The following RALGDS variants were observed in gnomAD, a reference collection of about 807,000 sequenced individuals.
The protein encoded by RALGDS is ral guanine nucleotide dissociation stimulator.
Under a neutral mutation model 99.8 loss-of-function variants are expected in RALGDS, and 44 were observed. That is an observed-to-expected ratio of 0.44 (90% confidence interval 0.35 to 0.57). RALGDS has a LOEUF of 0.57. Ranked by LOEUF, RALGDS falls within the 20% of genes least tolerant of loss-of-function variation. The pLI is 0.01. For missense variants in RALGDS, 1,022 were observed against 1,203.1 expected (o/e 0.85, Z 2.23); for synonymous variants, 529 against 505.0 (o/e 1.05, Z -0.64).
intron 1 of RALGDS, among the ~76,000 whole-genome samples, chr9:133,129,975 C>T (rs551866903): frequency 5.9e-5 from 9 of 151,756 alleles, no homozygotes; most frequent in East Asian, 1.9e-4. Context: ...CCACCATGCT[C>T]GGCTAATTTT....
chr9:133,143,771 T>TAACAAC (rs759265482), intron 1 of RALGDS, among the ~76,000 whole-genome samples: 406 of 111,532 alleles, frequency 3.6e-3, no homozygotes, highest in African/African-American at 3.6e-3. Context: ...ATAATAATAA[T>TAACAAC]AACAACAACA....
chr9:133,100,901 A>AG lies in RALGDS; in HGVS notation c.2455-520dup, dbSNP rs111705600. 1.2e-3 allele frequency: 1,300 copies of AG among 1,044,664 alleles called. 10 individuals are homozygous for AG. In the African/African-American group the frequency reaches 0.02, roughly 16 times the overall value. 64.7% of individuals were successfully genotyped at this position (1,044,664 alleles called of 1,614,324 possible). A position where few individuals can be genotyped will look rare whatever the true frequency, so the allele number is the denominator to read the frequency against. On this transcript the variant is annotated intron_variant, in intron 16 of 17. Transcript: ENST00000372050. ...ACAACCATGCTAGCTCCTGGCAATG[A>AG]GGGGTCAGGAGCGTGTGTGAATAAT...
intron 1 of RALGDS, among the ~76,000 whole-genome samples, chr9:133,128,290 G>T (rs1017368781): frequency 2.0e-5 from 3 of 152,228 alleles, no homozygotes; most frequent in Non-Finnish European, 2.9e-5. Flanking sequence ...GCAGCAGGCA[G>T]ACGGAAGCGA....
At chr9:133,109,852 G>A (rs144547848) in intron 3 of RALGDS, 131 bp from the exon 4 acceptor site, 1 of 728,458 alleles carries the variant, frequency 1.4e-6, no homozygotes, top group Admixed American at 2.1e-5. Flanking sequence ...GCACACAGTA[G>A]GTGCTTCATA....
At chr9:133,122,561 A>G (rs546811292), upstream of RALGDS, among the ~76,000 whole-genome samples, 13 of 152,366 alleles carry the variant, frequency 8.5e-5, no homozygotes, top group Non-Finnish European at 1.8e-4. Context: ...TCCGTTCAGA[A>G]CAAGACCCCC....
upstream of RALGDS, among the ~76,000 whole-genome samples, chr9:133,133,533 A>G (rs1832378248): frequency 6.6e-6 from 1 of 152,242 alleles, no homozygotes; most frequent in African/African-American, 2.4e-5. Flanking sequence ...GAAGACTGCC[A>G]TGGACAGCCG....
chr9:133,110,947 G>A (rs572342845), intron 2 of RALGDS, among the ~76,000 whole-genome samples: 1 of 143,666 alleles, frequency 7.0e-6, no homozygotes. Flanking sequence ...CAGGTGTGGT[G>A]GTCCCAGCTA....
intron 12 of RALGDS, 42 bp from the exon 13 acceptor site, chr9:133,102,942 G>C: frequency 6.2e-7 from 1 of 1,609,056 alleles, no homozygotes; most frequent in Non-Finnish European, 8.5e-7. Context: ...AAGGCCCCCC[G>C]GGCAGCACAG....
rs1266938299 is a variant in RALGDS, at chr9:133,143,780, CAACAACAATAATAATAAT to C, written c.18+5165_18+5182del. ...ATAATAATAATAATAATAACAACAACAACAACAATAATAATAATAATAATAATAATAATAATAATAAAA... is the reference window on the plus strand; with the variant it reads ...ATAATAATAATAATAATAACAACAACAATAATAATAATAATAATAATAAAA... On this transcript the variant is annotated intron_variant, in intron 1 of 17. Transcript: ENST00000393160. 8.8e-4 allele frequency among the ~76,000 whole-genome samples: 91 copies of C among 103,770 alleles called. 1 individual carries two copies. Among genetic ancestry groups the C allele is most frequent in the African/African-American group, 4.5e-3 (88 of 19,750 alleles). The allele number at this position is 103,770 out of a possible 152,430, so 68.1% of individuals were successfully genotyped here.
At chr9:133,120,951 C>A (rs988780604) in intron 1 of RALGDS, 21 bp downstream of exon 1, 2 of 1,474,392 alleles carry the variant, frequency 1.4e-6, no homozygotes, top group Non-Finnish European at 1.8e-6. Flanking sequence ...ACCCCCCGCC[C>A]GACCGCCCCA....
rs772576979 is a variant in RALGDS at position 133,101,630 on chromosome 9, G to A, written c.2344C>T (p.Leu782Phe). Residue 782 changes from leucine to phenylalanine, a missense_variant, in exon 16 of 18, where the codon CTC becomes TTC. Around this residue, in one of 3 missense-constraint regions of RALGDS, gnomAD observed 825 missense variants for 994.5 expected, o/e 0.83. Transcript: ENST00000372050. ...GGCAGCGCGGAGCTGGAGTTGCAGA[G>A]CCCTGAGACAGAGCGCTTGTGGGTG... is the stretch of plus-strand genomic sequence containing the variant. Reference protein sequence around the residue: ...TRTHKRSVSGLCNSSSALPLY... With the variant: ...TRTHKRSVSGFCNSSSALPLY... 1.9e-6 allele frequency: 3 copies of A among 1,613,674 alleles called. No individual in the cohort carries two copies. The highest frequency in any genetic ancestry group is 1.7e-6 in the Non-Finnish European group (2 of 1,180,038).
chr9:133,106,010 A>T lies in RALGDS; in HGVS notation c.1524T>A (p.Ser508Arg), dbSNP rs565038902. The T allele has an allele frequency of 6.2e-7, 1 of 1,607,828 alleles. No homozygotes were observed. The highest frequency in any genetic ancestry group is 8.5e-7 in the Non-Finnish European group (1 of 1,177,418). ...CTGACAGCTTCTGAAAGATCCGGAA[A>T]CTGTCCCTGTCAGAAGGGCAAAGAA... is the stretch of plus-strand genomic sequence containing the variant. ...KKTWEDVSRDSFRIFQKLSEI... is the reference protein window; with the variant it reads ...KKTWEDVSRDRFRIFQKLSEI... Residue 508 changes from serine (S) to arginine (R), a missense_variant, in exon 9 of 18, where the codon AGT becomes AGA. This residue lies in a region of RALGDS where 825 missense variants were observed against 994.5 expected (regional missense o/e 0.83). Transcript: ENST00000372050.
At chr9:133,116,683 G>A (rs780865452) in intron 1 of RALGDS, among the ~76,000 whole-genome samples, 2 of 152,234 alleles carry the variant, frequency 1.3e-5, no homozygotes, top group African/African-American at 2.4e-5. Flanking sequence ...CAGCACATGC[G>A]GGCACTTCCT....
At chr9:133,111,903 A>T in intron 2 of RALGDS, 139 bp downstream of exon 2, 1 of 697,558 alleles carries the variant, frequency 1.4e-6, no homozygotes, top group Non-Finnish European at 2.5e-6. Flanking sequence ...AAACCCGATT[A>T]AGCCTGGGCT....
intron 1 of RALGDS, among the ~76,000 whole-genome samples, chr9:133,142,329 C>T (rs938098794): frequency 6.6e-6 from 1 of 152,122 alleles, no homozygotes; most frequent in Non-Finnish European, 1.5e-5. Flanking sequence ...TTTTCTCTTT[C>T]AGCCTCAGAG....
At chr9:133,132,650 TTTTG>T (rs1832357773), upstream of RALGDS, among the ~76,000 whole-genome samples, 2 of 151,892 alleles carry the variant, frequency 1.3e-5, no homozygotes, top group Non-Finnish European at 2.9e-5. Flanking sequence ...TTTCTTTTTT[TTTTG>T]TTTGAGACGG....
chr9:133,118,037 G>A (rs1831699595), intron 1 of RALGDS, among the ~76,000 whole-genome samples: 2 of 152,188 alleles, frequency 1.3e-5, no homozygotes, highest in African/African-American at 4.8e-5. Flanking sequence ...CAGCATGCCT[G>A]AGCATCCCCC....
chr9:133,122,739 C>G (rs1470537318), upstream of RALGDS, among the ~76,000 whole-genome samples: 1 of 152,218 alleles, frequency 6.6e-6, no homozygotes, highest in Non-Finnish European at 1.5e-5. Context: ...GACAGTCTCA[C>G]TGTCACCCAG....
chr9:133,101,632 C>T lies in RALGDS; in HGVS notation c.2342G>A (p.Gly781Glu), dbSNP rs918044068. ...CAGCGCGGAGCTGGAGTTGCAGAGCCCTGAGACAGAGCGCTTGTGGGTGCG... is the reference window on the plus strand; with the variant it reads ...CAGCGCGGAGCTGGAGTTGCAGAGCTCTGAGACAGAGCGCTTGTGGGTGCG... ...ATRTHKRSVSGLCNSSSALPL... is the reference protein window; with the variant it reads ...ATRTHKRSVSELCNSSSALPL... Residue 781 changes from glycine (G) to glutamate (E), a missense_variant, in exon 16 of 18, where the codon GGG becomes GAG. Gly to Glu is a moderately conservative substitution (Grantham distance 98). Transcript: ENST00000372050. 6.2e-7 allele frequency: 1 copy of T among 1,613,740 alleles called. No individual in the cohort carries two copies. The highest frequency in any genetic ancestry group is 8.5e-7 in the Non-Finnish European group (1 of 1,180,048).
Sources: gnomAD v4.1 joint callset for allele counts (sites outside exome capture counted in the v4.1 genomes callset) on GRCh38, gnomAD v4.1.1 for gene constraint, gnomAD v4.1.1 regional missense constraint, MANE v1.5 for transcripts, NCBI Gene and HGNC (gene_info 2026-07-23, HGNC 2026-07-21) for gene names.